The following SMOC1 variants were observed in gnomAD, a reference collection of about 807,000 sequenced individuals.
SMOC1 encodes the protein SPARC related modular calcium binding 1, also known as SPARC-related modular calcium-binding protein 1.
A neutral mutation model predicts 56.3 loss-of-function variants in SMOC1; 22 were observed. The observed-to-expected ratio is 0.39, with a 90% CI of 0.28 to 0.56. SMOC1 has a LOEUF of 0.56. Ranked by LOEUF, SMOC1 falls within the 20% of genes least tolerant of loss-of-function variation. SMOC1 has a pLI of 0.61. For synonymous variants in SMOC1, 193 were observed against 215.0 expected, an observed-to-expected ratio of 0.90 and a Z score of 0.89; for missense variants, 509 against 565.4, an observed-to-expected ratio of 0.90 and a Z score of 1.01.
intron 1 of SMOC1, among the ~76,000 whole-genome samples, chr14:69,884,608 G>T (rs561043051): frequency 3.8e-4 from 58 of 152,242 alleles, no homozygotes; most frequent in African/African-American, 1.3e-3. Flanking sequence ...GTCAATTTTT[G>T]TATATGGTGA....
intron 9 of SMOC1, among the ~76,000 whole-genome samples, chr14:70,011,874 T>G (rs1032941341): frequency 4.6e-5 from 7 of 152,204 alleles, no homozygotes; most frequent in Admixed American, 2.0e-4. Flanking sequence ...TGTGAGTTAT[T>G]TTTTCCAGAG....
chr14:69,940,751 T>C (rs1435698962), intron 1 of SMOC1, among the ~76,000 whole-genome samples: 2 of 152,046 alleles, frequency 1.3e-5, no homozygotes, highest in Non-Finnish European at 2.9e-5. Context: ...CTATTTTTTT[T>C]CCCTCAATGC....
intron 5 of SMOC1, among the ~76,000 whole-genome samples, chr14:69,988,598 A>G (rs1486604672): frequency 6.6e-6 from 1 of 152,176 alleles, no homozygotes; most frequent in Non-Finnish European, 1.5e-5. Context: ...ACTCATTGTA[A>G]ATATACAACC....
At chr14:69,965,413 G>C (rs1883536847) in intron 3 of SMOC1, among the ~76,000 whole-genome samples, 1 of 105,416 alleles carries the variant, frequency 9.5e-6, no homozygotes, top group African/African-American at 3.0e-5. Context: ...ATAAAAAGAT[G>C]ACCAAAGGGA....
chr14:69,880,279 G>A (rs1049416112), intron 1 of SMOC1, among the ~76,000 whole-genome samples: 2 of 152,126 alleles, frequency 1.3e-5, no homozygotes, highest in Non-Finnish European at 2.9e-5. Context: ...ATCACTGCTC[G>A]TAAAACCCAC....
At chr14:69,936,632 G>T (rs1319883772) in intron 1 of SMOC1, among the ~76,000 whole-genome samples, 1 of 152,242 alleles carries the variant, frequency 6.6e-6, no homozygotes, top group Non-Finnish European at 1.5e-5. Context: ...TGCTTTTGAG[G>T]TGACAGCAGA....
chr14:70,021,207 T>G (rs1275009155), intron 10 of SMOC1, among the ~76,000 whole-genome samples: 1 of 152,174 alleles, frequency 6.6e-6, no homozygotes, highest in Non-Finnish European at 1.5e-5. Flanking sequence ...GGGGGCCTTC[T>G]GTCTCTGCTC....
At chr14:70,016,404 G>A (rs1417372774) in intron 10 of SMOC1, among the ~76,000 whole-genome samples, 1 of 152,200 alleles carries the variant, frequency 6.6e-6, no homozygotes, top group African/African-American at 2.4e-5. Context: ...TGGGAATGAA[G>A]ACTTGAACTG....
chr14:69,994,629 G>A lies in SMOC1; in HGVS notation c.664+149G>A, dbSNP rs2139549948. Reference sequence around the variant, plus strand: ...GCTATAAAATAAAGAGATTGGATAAGTTAATCCCTTCCAACTTTAATTTTC... The same window carrying A: ...GCTATAAAATAAAGAGATTGGATAAATTAATCCCTTCCAACTTTAATTTTC... On this transcript the variant is annotated intron_variant, in intron 7 of 11. Coordinates refer to ENST00000361956, the MANE Select transcript of SMOC1 (RefSeq NM_001034852.3). 3 of 690,830 alleles carry A rather than the reference G, an allele frequency of 4.3e-6. No homozygotes were observed. In the South Asian group the frequency reaches 5.0e-5, roughly 12 times the overall value. The allele number at this position is 690,830 out of a possible 1,614,324, so 42.8% of individuals were successfully genotyped here.
chr14:69,965,572 T>G (rs2139478268), intron 3 of SMOC1, among the ~76,000 whole-genome samples: 1 of 151,698 alleles, frequency 6.6e-6, no homozygotes, highest in South Asian at 2.1e-4. Context: ...ACAAGTAGAG[T>G]AGCTCACAGA....
intron 3 of SMOC1, among the ~76,000 whole-genome samples, chr14:69,970,214 C>T (rs1024670341): frequency 2.4e-4 from 37 of 152,110 alleles, no homozygotes; most frequent in African/African-American, 8.5e-4. Flanking sequence ...TTTACATGAC[C>T]CCAAAGAGTT....
In SMOC1 at chr14:69,975,616, C is replaced by T. The variant is rs1883919103; in HGVS notation, c.379-99C>T. Reference sequence around the variant, plus strand: ...GTGGGGATGAGAGGTGGAAGATGCTCTTTCACCGTATGGGTGATGCTTTGA... The same window carrying T: ...GTGGGGATGAGAGGTGGAAGATGCTTTTTCACCGTATGGGTGATGCTTTGA... On this transcript the variant is annotated intron_variant, in intron 3 of 11. Transcript: ENST00000361956. 4.4e-6 allele frequency: 4 copies of T among 903,420 alleles called. No individual in the cohort carries two copies. The African/African-American group carries it at 4.9e-5, about 11-fold the overall frequency. 56.0% of individuals were successfully genotyped at this position (903,420 alleles called of 1,614,324 possible).
chr14:70,014,520 G>A (rs561284207), intron 10 of SMOC1, among the ~76,000 whole-genome samples: 8 of 152,330 alleles, frequency 5.3e-5, no homozygotes, highest in South Asian at 2.1e-4. Context: ...GTGGATAGGC[G>A]GAGGAGGAGG....
intron 1 of SMOC1, chr14:69,886,170 G>C (rs995749610): frequency 9.5e-7 from 1 of 1,056,576 alleles, no homozygotes; most frequent in Non-Finnish European, 1.4e-6. Flanking sequence ...GAGCTCCTTT[G>C]AACAACTTCT....
intron 10 of SMOC1, 49 bp from the exon 11 acceptor site, chr14:70,023,154 A>G: frequency 6.2e-7 from 1 of 1,613,178 alleles, no homozygotes; most frequent in Non-Finnish European, 8.5e-7. Flanking sequence ...GGTTCCTGCA[A>G]GATCCTGATT....
At chr14:69,907,356 T>C (rs1884437628) in intron 1 of SMOC1, among the ~76,000 whole-genome samples, 1 of 152,240 alleles carries the variant, frequency 6.6e-6, no homozygotes, top group Non-Finnish European at 1.5e-5. Context: ...TCTGAGAAAT[T>C]CTTTCTGTAA....
intron 7 of SMOC1, among the ~76,000 whole-genome samples, chr14:70,003,246 A>G (rs1262470242): frequency 6.6e-6 from 1 of 152,156 alleles, no homozygotes; most frequent in African/African-American, 2.4e-5. Context: ...AGGTGATACA[A>G]TGCTAATTTT....
chr14:69,930,214 C>T (rs1594807938), intron 1 of SMOC1, among the ~76,000 whole-genome samples: 1 of 152,022 alleles, frequency 6.6e-6, no homozygotes, highest in East Asian at 1.9e-4. Context: ...CCTTCTCACC[C>T]CCCTGACAGC....
At chr14:69,973,045 A>G (rs1236740678) in intron 3 of SMOC1, among the ~76,000 whole-genome samples, 1 of 152,226 alleles carries the variant, frequency 6.6e-6, no homozygotes, top group African/African-American at 2.4e-5. Flanking sequence ...ATGTTTCCCC[A>G]GAGGTGATTA....
Sources: gnomAD v4.1 joint callset for allele counts (sites outside exome capture counted in the v4.1 genomes callset) on GRCh38, gnomAD v4.1.1 for gene constraint, MANE v1.5 for transcripts, NCBI Gene and HGNC (gene_info 2026-07-23, HGNC 2026-07-21) for gene names.